PTPRS: variants seen among roughly 807,000 people sequenced by gnomAD.
PTPRS encodes the protein receptor-type tyrosine-protein phosphatase S.
PTPRS carries 63 observed loss-of-function variants against 215.3 expected under a neutral mutation model. The observed-to-expected ratio is 0.29, with a 90% CI of 0.24 to 0.36. The LOEUF is 0.36. Among genes scored for constraint, PTPRS ranks in the 10% least tolerant of loss-of-function variants. The probability of loss-of-function intolerance (pLI) is 1.00; values close to 1 mark genes in which losing one functional copy is unlikely to be tolerated. For synonymous variants in PTPRS, 1,404 were observed against 1,191.4 expected (o/e 1.18, Z -3.68); for missense variants, 2,258 against 2,825.8 (o/e 0.80, Z 4.56).
At chr19:5,290,566 T>C (rs1312608588) in intron 1 of PTPRS, among the ~76,000 whole-genome samples, 1 of 152,090 alleles carries the variant, frequency 6.6e-6, no homozygotes, top group Non-Finnish European at 1.5e-5. Context: ...AAACAGGCTG[T>C]GTCACCCGCA....
At chr19:5,222,252 C>A (rs774069727) in intron 18 of PTPRS, 32 bp from the exon 19 acceptor site, 2 of 1,569,078 alleles carry the variant, frequency 1.3e-6, no homozygotes, top group South Asian at 2.2e-5. Flanking sequence ...AGGGAGAGAG[C>A]AGAAGAGAGG....
chr19:5,269,561 G>A (rs988351882), intron 4 of PTPRS, among the ~76,000 whole-genome samples: 5 of 152,034 alleles, frequency 3.3e-5, no homozygotes, highest in Non-Finnish European at 4.4e-5. Context: ...CCAAGGCCCC[G>A]GGCCCCAGCA....
rs547589093 is a variant in PTPRS, at chr19:5,248,869, G to A, written c.719-2824C>T. ...AATGGAGGGAATTGGGTATCCTGCC[G>A]AGAAAGGCATTAACCTGACTCGGGC... On this transcript the variant is annotated intron_variant, in intron 9 of 37. Transcript: ENST00000262963. Among the ~76,000 whole-genome samples, 22 of 152,330 alleles carry A rather than the reference G, an allele frequency of 1.4e-4. No homozygotes were observed. In the South Asian group the frequency reaches 3.9e-3, roughly 27 times the overall value.
At chr19:5,219,245 C>A in intron 23 of PTPRS, 65 bp downstream of exon 23, 23 of 1,586,428 alleles carry the variant, frequency 1.4e-5, no homozygotes, top group Non-Finnish European at 1.8e-5. Flanking sequence ...TGAGACAACT[C>A]CTCCCTCCTT....
At chr19:5,243,511 A>T (rs1050709655) in intron 11 of PTPRS, among the ~76,000 whole-genome samples, 6 of 147,594 alleles carry the variant, frequency 4.1e-5, no homozygotes, top group African/African-American at 1.5e-4. Context: ...GTGGAGTCTC[A>T]CTCTCTCGCC....
At chr19:5,223,580 T>G (rs1207707701) in intron 17 of PTPRS, among the ~76,000 whole-genome samples, 1 of 99,644 alleles carries the variant, frequency 1.0e-5, no homozygotes, top group East Asian at 3.0e-4. Context: ...TTTTTTTTTT[T>G]GAGACAGAAT....
At chr19:5,230,853 G>C (rs1370473287) in intron 14 of PTPRS, among the ~76,000 whole-genome samples, 1 of 152,184 alleles carries the variant, frequency 6.6e-6, no homozygotes, top group Non-Finnish European at 1.5e-5. Context: ...CCACTGCCTT[G>C]CTTTCCAGCT....
At chr19:5,272,893 C>G (rs2047042354) in intron 4 of PTPRS, among the ~76,000 whole-genome samples, 3 of 152,162 alleles carry the variant, frequency 2.0e-5, no homozygotes, top group African/African-American at 7.2e-5. Flanking sequence ...CACACTCACT[C>G]TTGGCTCCAG....
At chr19:5,263,297 A>AATC (rs1568509050) in intron 5 of PTPRS, among the ~76,000 whole-genome samples, 1 of 152,074 alleles carries the variant, frequency 6.6e-6, no homozygotes, top group Non-Finnish European at 1.5e-5. Flanking sequence ...ATAGGAGGCG[A>AATC]TTTGTCCCCC....
At chr19:5,258,267 G>A (rs1216360366) in intron 7 of PTPRS, 140 bp from the exon 8 acceptor site, 5 of 685,344 alleles carry the variant, frequency 7.3e-6, no homozygotes, top group African/African-American at 1.8e-5. Flanking sequence ...GAGAAAACCT[G>A]GAAGCCCTAG....
chr19:5,245,735 A>G, intron 10 of PTPRS, 41 bp downstream of exon 10: 1 of 1,529,058 alleles, frequency 6.5e-7, no homozygotes, highest in South Asian at 1.3e-5. Context: ...GATCGACTCC[A>G]GCCTGCCCCT....
intron 1 of PTPRS, among the ~76,000 whole-genome samples, chr19:5,290,313 C>T (rs1010461778): frequency 6.6e-6 from 1 of 152,212 alleles, no homozygotes; most frequent in Non-Finnish European, 1.5e-5. Context: ...GGGTCTAGAG[C>T]CCACGTTTAA....
At position 5,211,704 on chromosome 19, in the gene PTPRS, A is replaced by G. The variant is rs1312546718; in HGVS notation, c.5120T>C (p.Phe1707Ser). The G allele has an allele frequency of 4.3e-6, 7 of 1,613,944 alleles. No homozygotes were observed. Among genetic ancestry groups the G allele is most frequent in the Admixed American group, 1.7e-5 (1 of 60,000 alleles). The change falls in exon 33 of 38, where the codon TTC becomes TCC. Residue 1707 changes from phenylalanine (F) to serine (S), a missense_variant. Coordinates refer to ENST00000262963, the MANE Select transcript of PTPRS (RefSeq NM_002850.4). ...FISANLPCNK[F>S]KNRLVNIMPY... ...CATGATGTTCACCAGGCGGTTCTTG[A>G]ACTTGTTACAAGGCAGATTGGCACT...
intron 13 of PTPRS, among the ~76,000 whole-genome samples, chr19:5,233,976 A>AAAAAAAAAAAC (rs1479396791): frequency 7.4e-6 from 1 of 134,836 alleles, no homozygotes; most frequent in Non-Finnish European, 1.6e-5. Flanking sequence ...AAAAAAAAAA[A>AAAAAAAAAAAC]ATCTATATGT....
rs112205916 is a variant in PTPRS, at chr19:5,314,678, A to G, written c.-95+25986T>C. On this transcript the variant is annotated intron_variant, in intron 1 of 37. Transcript: ENST00000262963. The stretch of plus-strand genomic sequence containing the variant: ...GTGCCTGGGATTACAGGCATGAATC[A>G]CCACACCCAGCTGTTTCTCCACATT... 8.1e-3 allele frequency among the ~76,000 whole-genome samples: 1,238 copies of G among 151,980 alleles called. 9 individuals are homozygous for G. Among genetic ancestry groups the G allele is most frequent in the Non-Finnish European group, 0.013 (869 of 67,984 alleles).
Position 5,229,328 on chromosome 19 carries a change from GTCATCCGTC to G in PTPRS, c.2355_2363del (p.Glu785_Asp787del). The G allele has an allele frequency of 7.2e-7, 1 of 1,379,742 alleles. No individual in the cohort carries two copies. Among genetic ancestry groups the G allele is most frequent in the Admixed American group, 3.1e-5 (1 of 32,512 alleles). The allele number at this position is 1,379,742 out of a possible 1,614,324, so 85.5% of individuals were successfully genotyped here. A position where few individuals can be genotyped will look rare whatever the true frequency, so the allele number is the denominator to read the frequency against. On this transcript the variant is annotated inframe_deletion, in exon 16 of 38. Transcript: ENST00000262963. ...GGGCGCTACTTACATATTCGGCCGT[GTCATCCGTC>G]TCCCACTGAGCGCGGGAGGAGGCGG... is the stretch of plus-strand genomic sequence containing the variant.
chr19:5,295,143 G>T lies in PTPRS; in HGVS notation c.-94-8909C>A, dbSNP rs973946506. ...GAGTTTGAATCCAGGGATGCCCCGT[G>T]TGTCAAGAAAGCACCCGTACCTCTC... is the stretch of plus-strand genomic sequence containing the variant. On this transcript the variant is annotated intron_variant, in intron 1 of 37. Coordinates refer to ENST00000262963, the MANE Select transcript of PTPRS (RefSeq NM_002850.4). The surrounding 1 kb of genome is among the most constrained non-coding windows in gnomAD (Gnocchi z 4.6). 6.6e-6 allele frequency among the ~76,000 whole-genome samples: 1 copy of T among 152,214 alleles called. No homozygotes were observed. The highest frequency in any genetic ancestry group is 1.5e-5 in the Non-Finnish European group (1 of 68,032).
intron 2 of PTPRS, among the ~76,000 whole-genome samples, chr19:5,276,823 T>C (rs2047412368): frequency 6.6e-6 from 1 of 152,184 alleles, no homozygotes; most frequent in Non-Finnish European, 1.5e-5. Context: ...ATTACAGGCG[T>C]GAGCCACCAG....
rs576548826 is a variant in PTPRS at position 5,297,515 on chromosome 19, G to A, written c.-94-11281C>T. On this transcript the variant is annotated intron_variant, in intron 1 of 37. Transcript: ENST00000262963. Reference sequence around the variant, plus strand: ...GGGGGCACAGACTAGTTGCAGGGGGGATGGACACCCACAGAAAAACAAACA... The same window carrying A: ...GGGGGCACAGACTAGTTGCAGGGGGAATGGACACCCACAGAAAAACAAACA... Among the ~76,000 whole-genome samples the A allele has an allele frequency of 1.6e-4, 25 of 152,256 alleles. No homozygotes were observed. In the South Asian group the frequency reaches 5.0e-3, roughly 30 times the overall value.
Sources: gnomAD v4.1 joint callset for allele counts (sites outside exome capture counted in the v4.1 genomes callset) on GRCh38, gnomAD v4.1.1 for gene constraint, Gnocchi (gnomAD v3.1) non-coding constraint, MANE v1.5 for transcripts, NCBI Gene and HGNC (gene_info 2026-07-23, HGNC 2026-07-21) for gene names.